Variants in MTMR14 observed in about 807,000 individuals in gnomAD.
MTMR14 encodes the protein phosphatidylinositol-3,5-bisphosphate 3-phosphatase MTMR14.
Under a neutral mutation model 86.3 loss-of-function variants are expected in MTMR14, and 48 were observed. That is an observed-to-expected ratio of 0.56 (90% CI 0.44 to 0.71). MTMR14 has a LOEUF of 0.71. Among genes scored for constraint, MTMR14 ranks in the 30% least tolerant of loss-of-function variants. The pLI, the probability that MTMR14 is intolerant of heterozygous loss-of-function variation, is 0.00. For missense variants in MTMR14, 780 were observed against 834.6 expected (o/e 0.93, Z 0.81); for synonymous variants, 366 against 326.1 (o/e 1.12, Z -1.32).
Position 9,697,820 on chromosome 3 carries a change from T to C in MTMR14, c.1723T>C (p.Ser575Pro). The C allele has an allele frequency of 1.2e-6, 2 of 1,614,198 alleles. No individual in the cohort carries two copies. The highest frequency in any genetic ancestry group is 1.7e-6 in the Non-Finnish European group (2 of 1,180,034). The change falls in exon 18 of 19, where the codon TCC becomes CCC. Residue 575 changes from serine to proline, a missense_variant. Physicochemically the swap from Ser to Pro is moderately conservative, Grantham distance 74. Coordinates refer to ENST00000296003, the MANE Select transcript of MTMR14 (RefSeq NM_001077525.3). Reference protein sequence around the residue: ...IQERAVLHTDSSLPFSFPDEL... With the variant: ...IQERAVLHTDPSLPFSFPDEL... ...GGAGCGGGCTGTCCTGCACACAGAC[T>C]CCTCTCTCCCTTTCAGCTTCCCGGA...
chr3:9,679,127 A>G (rs552964323), intron 9 of MTMR14, among the ~76,000 whole-genome samples: 32 of 152,260 alleles, frequency 2.1e-4, no homozygotes, highest in African/African-American at 7.2e-4. Flanking sequence ...TGTTTTCTCT[A>G]TATATATCCA....
Position 9,697,805 on chromosome 3 carries a change from G to A in MTMR14, c.1708G>A (p.Val570Ile), listed in dbSNP as rs761832602. ...CTGTGGCAGTATTCAGGAGCGGGCT[G>A]TCCTGCACACAGACTCCTCTCTCCC... is the stretch of plus-strand genomic sequence containing the variant. ...TGCGSIQERA[V>I]LHTDSSLPFS... is the part of the protein sequence containing the mutation. The change falls in exon 18 of 19, where the codon GTC becomes ATC. Residue 570 changes from valine to isoleucine, a missense_variant. By Grantham distance (29) the Val-to-Ile change is conservative. Transcript: ENST00000296003. 2 of 1,614,218 alleles carry A rather than the reference G, an allele frequency of 1.2e-6. No homozygotes were observed. Among genetic ancestry groups the A allele is most frequent in the Non-Finnish European group, 1.7e-6 (2 of 1,180,046 alleles).
Position 9,671,182 on chromosome 3 carries a change from C to T in MTMR14, c.677+12C>T, listed in dbSNP as rs747904178. On this transcript the variant is annotated intron_variant, in intron 6 of 18. Coordinates refer to ENST00000296003, the MANE Select transcript of MTMR14 (RefSeq NM_001077525.3). ...AAGTTTGGCATGAAGTAAGTACAGG[C>T]GCCCACTACAAAATGAGCAGAGGCA... is the stretch of plus-strand genomic sequence containing the variant. 1.4e-5 allele frequency: 23 copies of T among 1,614,006 alleles called. No homozygotes were observed. Among genetic ancestry groups the T allele is most frequent in the Admixed American group, 8.3e-5 (5 of 60,000 alleles).
In MTMR14 at chr3:9,660,647, G is replaced by T. The variant is rs1334639271; in HGVS notation, c.309-1620G>T. ...ACAGCATCCAGATACATTTAAAGAG[G>T]TACCACAAGTATGTGGGAGTCACTG... On this transcript the variant is annotated intron_variant, in intron 2 of 18. Coordinates refer to ENST00000296003, the MANE Select transcript of MTMR14 (RefSeq NM_001077525.3). 2.6e-5 allele frequency among the ~76,000 whole-genome samples: 4 copies of T among 152,132 alleles called. No individual in the cohort carries two copies. In the East Asian group the frequency reaches 7.7e-4, roughly 29 times the overall value.
chr3:9,681,274 C>T (rs1240173476), intron 9 of MTMR14, among the ~76,000 whole-genome samples: 1 of 152,164 alleles, frequency 6.6e-6, no homozygotes, highest in Non-Finnish European at 1.5e-5. Flanking sequence ...GAGGTATGCC[C>T]CTTCTTTCTG....
rs1559549033 is a variant in MTMR14, at chr3:9,649,660, A to AGCTGGGGCTTGGGGAGCT, written c.83_100dup (p.Gly28_Leu33dup). The AGCTGGGGCTTGGGGAGCT allele has an allele frequency of 1.3e-6, 2 of 1,598,708 alleles. No homozygotes were observed. Among genetic ancestry groups the AGCTGGGGCTTGGGGAGCT allele is most frequent in the African/African-American group, 2.7e-5 (2 of 74,678 alleles). On this transcript the variant is annotated inframe_insertion, in exon 1 of 19. Transcript: ENST00000296003. ...TCTTCAGGCAACCAGCCGCCTCAGGAGCTGGGGCTTGGGGAGCTGCTGGAG... is the reference window on the plus strand; with the variant it reads ...TCTTCAGGCAACCAGCCGCCTCAGGAGCTGGGGCTTGGGGAGCTGCTGGGGCTTGGGGAGCTGCTGGAG...
chr3:9,665,080 G>A (rs531766886), intron 3 of MTMR14, among the ~76,000 whole-genome samples: 1 of 152,070 alleles, frequency 6.6e-6, no homozygotes, highest in African/African-American at 2.4e-5. Context: ...TCAGGAGTTC[G>A]AGACCAGCCT....
intron 11 of MTMR14, 49 bp downstream of exon 11, chr3:9,684,719 G>A (rs1252762976): frequency 6.2e-7 from 1 of 1,606,350 alleles, no homozygotes; most frequent in East Asian, 2.2e-5. Context: ...GGTGTGTTAG[G>A]ATTGTCTCCA....
In MTMR14 at chr3:9,701,197, G is replaced by T. The variant is rs559590775; in HGVS notation, c.1770-593G>T. ...GCTCTTCCTGAGGAGTGGAAGCAGAGAGCTGCTGGGGCAAATTCCCTCCTG... is the reference window on the plus strand; with the variant it reads ...GCTCTTCCTGAGGAGTGGAAGCAGATAGCTGCTGGGGCAAATTCCCTCCTG... On this transcript the variant is annotated intron_variant, in intron 18 of 18. Transcript: ENST00000296003. The surrounding 1 kb of genome is among the most constrained non-coding windows in gnomAD (Gnocchi z 4.2). 2 of 162,762 alleles carry T rather than the reference G, an allele frequency of 1.2e-5. No homozygotes were observed. The highest frequency in any genetic ancestry group is 3.4e-4 in the South Asian group (2 of 5,970). The allele number at this position is 162,762 out of a possible 1,614,324, so 10.1% of individuals were successfully genotyped here.
intron 17 of MTMR14, among the ~76,000 whole-genome samples, chr3:9,691,791 G>A (rs2076146958): frequency 6.6e-6 from 1 of 152,156 alleles, no homozygotes; most frequent in Non-Finnish European, 1.5e-5. Context: ...GGAGAATTGG[G>A]GTTGTCCTCC....
rs1553664491 is a variant in MTMR14, at chr3:9,655,490, G to GGCT, written c.308+1721_308+1722insGCT. Among the ~76,000 whole-genome samples the GGCT allele has an allele frequency of 2.6e-5, 3 of 116,776 alleles. 1 individual carries two copies. Among genetic ancestry groups the GGCT allele is most frequent in the African/African-American group, 6.7e-5 (2 of 29,802 alleles). The allele number at this position is 116,776 out of a possible 152,430, so 76.6% of individuals were successfully genotyped here. Reference sequence around the variant, plus strand: ...TTTTTTTTTTTTTTTTTGAGACAGAGTGCTCTGTCACCCAGGCTGGAGTGC... The same window carrying GGCT: ...TTTTTTTTTTTTTTTTTGAGACAGAGGCTTGCTCTGTCACCCAGGCTGGAGTGC... On this transcript the variant is annotated intron_variant, in intron 2 of 18. Transcript: ENST00000296003.
chr3:9,702,140 T>C lies in MTMR14; in HGVS notation c.*167T>C. On this transcript the variant is annotated 3_prime_UTR_variant, in exon 19 of 19. Transcript: ENST00000296003. ...AAGCTGAGCAAGGCCAAAGACAGGG[T>C]TTTCCAACCCCCAGCCTCTTGACTG... 1 of 849,170 alleles carries C rather than the reference T, an allele frequency of 1.2e-6. No homozygotes were observed. The highest frequency in any genetic ancestry group is 1.5e-5 in the South Asian group (1 of 67,306). 52.6% of individuals were successfully genotyped at this position (849,170 alleles called of 1,614,324 possible).
At position 9,697,928 on chromosome 3, in the gene MTMR14, TCA is replaced by T; in HGVS notation, c.1769+63_1769+64del. On this transcript the variant is annotated intron_variant, in intron 18 of 18. Transcript: ENST00000296003. ...GCCCATGGGAAAAGCTGGTGAGCAG[TCA>T]GGAGTGCTGGGTAGGAATGAGGCTG... is the stretch of plus-strand genomic sequence containing the variant. 1.9e-6 allele frequency: 3 copies of T among 1,606,928 alleles called. No homozygotes were observed. The South Asian group carries it at 3.3e-5, about 18-fold the overall frequency.
intron 16 of MTMR14, 76 bp downstream of exon 16, chr3:9,689,158 G>A (rs540662002): frequency 1.9e-6 from 3 of 1,589,670 alleles, no homozygotes; most frequent in Non-Finnish European, 2.6e-6. Context: ...CCAGGCTGGA[G>A]CCCCAAGAAC....
At chr3:9,691,136 G>A (rs975879785) in intron 17 of MTMR14, among the ~76,000 whole-genome samples, 1 of 152,238 alleles carries the variant, frequency 6.6e-6, no homozygotes, top group African/African-American at 2.4e-5. Context: ...CAGATAAGCG[G>A]GAGGCAAGTG....
At chr3:9,681,287 T>C (rs1229845390) in intron 9 of MTMR14, among the ~76,000 whole-genome samples, 1 of 152,204 alleles carries the variant, frequency 6.6e-6, no homozygotes, top group Non-Finnish European at 1.5e-5. Flanking sequence ...TCTTTCTGTG[T>C]CCTAAGACCC....
At position 9,685,201 on chromosome 3, in the gene MTMR14, CT is replaced by C. The variant is rs1559602098; in HGVS notation, c.1128-4del. 1 of 1,614,156 alleles carries C rather than the reference CT, an allele frequency of 6.2e-7. No homozygotes were observed. Among genetic ancestry groups the C allele is most frequent in the Non-Finnish European group, 8.5e-7 (1 of 1,180,028 alleles). ...CTGCTGACTTTGCCTCTCTACCCTC[CT>C]TTTTTCAGGCACATGTTGGTAGATC... On this transcript the variant is annotated splice_polypyrimidine_tract_variant and intron_variant, in intron 12 of 18. Coordinates refer to ENST00000296003, the MANE Select transcript of MTMR14 (RefSeq NM_001077525.3).
At chr3:9,662,588 C>G (rs971190823) in intron 3 of MTMR14, among the ~76,000 whole-genome samples, 3 of 152,128 alleles carry the variant, frequency 2.0e-5, no homozygotes, top group African/African-American at 4.8e-5. Flanking sequence ...TACCCCACCC[C>G]GTGTTCCAGA....
chr3:9,676,132 T>G (rs2125180909), intron 7 of MTMR14, among the ~76,000 whole-genome samples: 1 of 152,350 alleles, frequency 6.6e-6, no homozygotes, highest in South Asian at 2.1e-4. Flanking sequence ...TCTTTGTGGC[T>G]ACTTCCCCTG....
Sources: allele counts gnomAD v4.1 joint callset (sites outside exome capture counted in the v4.1 genomes callset), GRCh38; gene constraint gnomAD v4.1.1; non-coding constraint Gnocchi (gnomAD v3.1); transcripts MANE v1.5; gene names NCBI Gene and HGNC (gene_info 2026-07-23, HGNC 2026-07-21).